The following MYO16 variants were observed in gnomAD, a reference collection of about 807,000 sequenced individuals.
MYO16 encodes myosin XVI.
In MYO16, 94 loss-of-function variants were observed where a neutral mutation model predicts 205.3. The observed-to-expected ratio is 0.46, with a 90% CI of 0.39 to 0.54. MYO16 has a LOEUF of 0.54. Ranked by LOEUF, MYO16 falls within the 20% of genes least tolerant of loss-of-function variation. The pLI is 0.00. For synonymous variants in MYO16, 988 were observed against 954.0 expected (o/e 1.04, Z -0.66); for missense variants, 2,315 against 2,387.5 (o/e 0.97, Z 0.63).
chr13:108,980,579 A>G (rs954586699), intron 20 of MYO16, among the ~76,000 whole-genome samples: 2 of 152,214 alleles, frequency 1.3e-5, no homozygotes, highest in African/African-American at 4.8e-5. Flanking sequence ...CCAGGAAGGA[A>G]ATGTCAGTAC....
intron 16 of MYO16, among the ~76,000 whole-genome samples, chr13:108,935,028 T>TA (rs1395729795): frequency 6.6e-6 from 1 of 152,182 alleles, no homozygotes; most frequent in Non-Finnish European, 1.5e-5. Flanking sequence ...ACTCTAGCCT[T>TA]AGAGTATAGT....
chr13:108,598,306 T>TAGAG (rs746357745), intron 1 of MYO16, among the ~76,000 whole-genome samples: 2 of 140,790 alleles, frequency 1.4e-5, no homozygotes, highest in Admixed American at 7.1e-5. Context: ...ATTGTAGTGA[T>TAGAG]AGAGAGAGAG....
At chr13:108,633,596 G>A (rs1880086242) in intron 1 of MYO16, among the ~76,000 whole-genome samples, 1 of 152,164 alleles carries the variant, frequency 6.6e-6, no homozygotes, top group African/African-American at 2.4e-5. Flanking sequence ...CCACTGACTT[G>A]AATGTTAATC....
chr13:108,853,159 G>C (rs74119664), intron 10 of MYO16, among the ~76,000 whole-genome samples: 56 of 152,348 alleles, frequency 3.7e-4, no homozygotes, highest in African/African-American at 1.2e-3. Flanking sequence ...GCCTCTCTCT[G>C]AGAGCTGTCA....
rs976187877 is a variant in MYO16, at chr13:108,944,802, A to G, written c.1926-12886A>G. ...TGAGTTTAATCATATTTTCCTTATA[A>G]CACTTTTATTAGTATTTTTAATGGG... On this transcript the variant is annotated intron_variant, in intron 16 of 34. Transcript: ENST00000457511. Among the ~76,000 whole-genome samples, 3 of 152,172 alleles carry G rather than the reference A, an allele frequency of 2.0e-5. No homozygotes were observed. The South Asian group carries it at 6.2e-4, about 32-fold the overall frequency.
intron 32 of MYO16, among the ~76,000 whole-genome samples, chr13:109,160,492 T>C (rs1878328975): frequency 6.6e-6 from 1 of 152,184 alleles, no homozygotes; most frequent in African/African-American, 2.4e-5. Flanking sequence ...ATCTTGTTAA[T>C]AGGCCAAAAG....
chr13:108,877,040 G>A (rs913305470), intron 12 of MYO16, among the ~76,000 whole-genome samples: 27 of 152,130 alleles, frequency 1.8e-4, no homozygotes, highest in African/African-American at 6.5e-4. Context: ...TTGAAAATTT[G>A]AGACCTAATT....
At chr13:108,541,435 C>A in the MYO16 span, among the ~76,000 whole-genome samples, 1 of 151,038 alleles carries the variant, frequency 6.6e-6, no homozygotes, top group South Asian at 2.1e-4. Flanking sequence ...CATGTATTCA[C>A]AATATTCTAT....
Position 108,911,062 on chromosome 13 carries a change from C to CAGAG in MYO16, c.1925+913_1925+914insGAGA, listed in dbSNP as rs763782934. On this transcript the variant is annotated intron_variant, in intron 16 of 34. Transcript: ENST00000457511. Reference sequence around the variant, plus strand: ...ACACACACACACACACACACACACACACACAGAGAGAGAGAAGGGTTGCTT... The same window carrying CAGAG: ...ACACACACACACACACACACACACACAGAGACACAGAGAGAGAGAAGGGTTGCTT... Among the ~76,000 whole-genome samples, 67 of 114,752 alleles carry CAGAG rather than the reference C, an allele frequency of 5.8e-4. No individual in the cohort carries two copies. In the East Asian group the frequency reaches 0.013, roughly 22 times the overall value. The allele number at this position is 114,752 out of a possible 152,430, so 75.3% of individuals were successfully genotyped here.
chr13:109,107,930 T>C (rs1889170716), intron 28 of MYO16, among the ~76,000 whole-genome samples: 1 of 151,552 alleles, frequency 6.6e-6, no homozygotes. Context: ...ATATGACACA[T>C]TTTTGTTATA....
At chr13:108,641,496 C>A (rs1449079352) in intron 1 of MYO16, among the ~76,000 whole-genome samples, 1 of 152,000 alleles carries the variant, frequency 6.6e-6, no homozygotes, top group Non-Finnish European at 1.5e-5. Context: ...GGGCCAGCAA[C>A]AAATATAAGA....
chr13:108,812,252 C>G (rs1044986253), intron 7 of MYO16, among the ~76,000 whole-genome samples: 2 of 152,174 alleles, frequency 1.3e-5, no homozygotes, highest in African/African-American at 4.8e-5. Context: ...ATAAACACAG[C>G]CTTACCACAA....
At chr13:109,013,350 T>C (rs1325053954) in intron 22 of MYO16, among the ~76,000 whole-genome samples, 8 of 152,160 alleles carry the variant, frequency 5.3e-5, no homozygotes, top group Non-Finnish European at 1.0e-4. Flanking sequence ...CCACATTTTC[T>C]TAATCCAGTC....
chr13:109,020,262 A>G (rs1481691181), intron 23 of MYO16, among the ~76,000 whole-genome samples: 1 of 152,204 alleles, frequency 6.6e-6, no homozygotes, highest in Non-Finnish European at 1.5e-5. Flanking sequence ...CCTTGAATAT[A>G]GTTTTTAGTA....
chr13:109,200,701 T>G (rs1275154243), intron 34 of MYO16, among the ~76,000 whole-genome samples: 2 of 149,774 alleles, frequency 1.3e-5, no homozygotes, highest in Non-Finnish European at 3.0e-5. Flanking sequence ...TTTTTTTTTG[T>G]CAAAATCCTT....
intron 6 of MYO16, among the ~76,000 whole-genome samples, chr13:108,804,886 T>C (rs1887067958): frequency 6.6e-6 from 1 of 152,158 alleles, no homozygotes. Flanking sequence ...AGGGTTGGAC[T>C]AAGTTCTAAA....
the MYO16 span, among the ~76,000 whole-genome samples, chr13:108,499,985 C>T: frequency 7.2e-5 from 11 of 151,876 alleles, no homozygotes; most frequent in African/African-American, 4.8e-5. Context: ...TCTGCTCCGG[C>T]GGGCCCTCTG....
chr13:108,948,350 TTG>T (rs1359173613), intron 16 of MYO16, among the ~76,000 whole-genome samples: 4 of 152,216 alleles, frequency 2.6e-5, no homozygotes, highest in Admixed American at 1.3e-4. Flanking sequence ...GAGCAACACA[TTG>T]TGTTTGTACT....
At chr13:108,643,423 T>C (rs1392088658) in intron 1 of MYO16, among the ~76,000 whole-genome samples, 2 of 152,256 alleles carry the variant, frequency 1.3e-5, no homozygotes, top group Admixed American at 6.5e-5. Flanking sequence ...TTCCGGTTGA[T>C]TGTAGCTTTT....
Sources: gnomAD v4.1 joint callset for allele counts (sites outside exome capture counted in the v4.1 genomes callset) on GRCh38, gnomAD v4.1.1 for gene constraint, MANE v1.5 for transcripts, NCBI Gene and HGNC (gene_info 2026-07-23, HGNC 2026-07-21) for gene names.